Variants in CCDC171 observed in about 807,000 individuals in gnomAD.
CCDC171 encodes the protein coiled-coil domain containing 171.
In CCDC171, 177 loss-of-function variants were observed where a neutral mutation model predicts 168.2. That is an observed-to-expected ratio of 1.05 (90% CI 0.93 to 1.19). The LOEUF (loss-of-function observed/expected upper bound fraction) is 1.19. Ranked by LOEUF, CCDC171 falls within the 50% of genes most tolerant of loss-of-function variation. CCDC171 has a pLI of 0.00. For missense variants in CCDC171, 1,991 were observed against 1,539.0 expected (o/e 1.29, Z -4.91); for synonymous variants, 687 against 540.8 (o/e 1.27, Z -3.75).
At chr9:16,027,113 G>C (rs1419994026) in intron 6 of CCDC171, among the ~76,000 whole-genome samples, 4 of 152,178 alleles carry the variant, frequency 2.6e-5, no homozygotes, top group African/African-American at 9.7e-5. Context: ...AGATGTCCCG[G>C]AGTTGATTTT....
At chr9:15,800,515 C>A (rs556125488) in intron 21 of CCDC171, among the ~76,000 whole-genome samples, 1 of 151,896 alleles carries the variant, frequency 6.6e-6, no homozygotes, top group South Asian at 2.1e-4. Flanking sequence ...GTTATTAATC[C>A]CTTGTCAGAT....
Position 15,571,747 on chromosome 9 carries a change from A to G in CCDC171, c.165A>G (p.Lys55=). 1.3e-6 allele frequency: 2 copies of G among 1,583,854 alleles called. No homozygotes were observed. Among genetic ancestry groups the G allele is most frequent in the African/African-American group, 1.4e-5 (1 of 73,000 alleles). ...AKKEKLEITT[K]HNAELASYES... ...AAGAAAAGTTAGAAATAACAACCAAACACAATGCAGAGGTACGATTTATTT... is the reference window on the plus strand; with the variant it reads ...AAGAAAAGTTAGAAATAACAACCAAGCACAATGCAGAGGTACGATTTATTT... Residue 55 remains lysine, a synonymous_variant, in exon 3 of 26, where the codon AAA becomes AAG. Transcript: ENST00000380701.
intron 3 of CCDC171, among the ~76,000 whole-genome samples, chr9:16,001,102 A>G (rs1420246559): frequency 6.6e-6 from 1 of 152,162 alleles, no homozygotes; most frequent in Non-Finnish European, 1.5e-5. Context: ...GACATGCTGA[A>G]CTTTCTAGTG....
intron 2 of CCDC171, among the ~76,000 whole-genome samples, chr9:15,565,867 A>T (rs2039687435): frequency 6.6e-6 from 1 of 152,210 alleles, no homozygotes; most frequent in Non-Finnish European, 1.5e-5. Flanking sequence ...CCTTAGGTAG[A>T]TTCTTAGGAG....
intron 25 of CCDC171, among the ~76,000 whole-genome samples, chr9:15,939,892 C>A (rs990471887): frequency 1.3e-5 from 2 of 151,704 alleles, no homozygotes; most frequent in Non-Finnish European, 2.9e-5. Context: ...ATTACATACT[C>A]AAGGCAAAAA....
At chr9:15,625,744 G>C (rs1251903952) in intron 7 of CCDC171, among the ~76,000 whole-genome samples, 1 of 152,192 alleles carries the variant, frequency 6.6e-6, no homozygotes, top group Non-Finnish European at 1.5e-5. Context: ...TTGAAGTCAG[G>C]TAGCGTGATG....
chr9:15,709,620 G>C (rs1299447408), intron 11 of CCDC171, among the ~76,000 whole-genome samples: 2 of 152,030 alleles, frequency 1.3e-5, no homozygotes, highest in Non-Finnish European at 2.9e-5. Flanking sequence ...CTGCTTTACA[G>C]GGAAAAATAA....
intron 1 of CCDC171, among the ~76,000 whole-genome samples, chr9:16,051,160 A>G (rs1052935473): frequency 1.3e-5 from 2 of 152,166 alleles, no homozygotes; most frequent in African/African-American, 2.4e-5. Flanking sequence ...TTATAAAATT[A>G]TTGTTTTCCA....
chr9:15,670,663 A>G (rs77754133), intron 9 of CCDC171, among the ~76,000 whole-genome samples: 12,574 of 152,072 alleles, frequency 0.083, 722 homozygotes, highest in Non-Finnish European at 0.13. Context: ...CCATAGAGTT[A>G]TATTTTTGGG....
chr9:15,766,344 A>C (rs1032763015), intron 18 of CCDC171, among the ~76,000 whole-genome samples: 2 of 152,112 alleles, frequency 1.3e-5, no homozygotes, highest in African/African-American at 4.8e-5. Context: ...CCTGGGCTCA[A>C]GGGATCCTCC....
At chr9:15,680,876 T>C (rs2049993566) in intron 10 of CCDC171, among the ~76,000 whole-genome samples, 1 of 152,160 alleles carries the variant, frequency 6.6e-6, no homozygotes, top group Admixed American at 6.6e-5. Context: ...AAGCCAGGGT[T>C]ATAACTAAAA....
At chr9:16,041,588 T>C (rs1033154921), upstream of CCDC171, among the ~76,000 whole-genome samples, 1 of 152,202 alleles carries the variant, frequency 6.6e-6, no homozygotes, top group South Asian at 2.1e-4. Context: ...TTCTGAAATG[T>C]TATTATTTTT....
chr9:15,855,887 A>T (rs1289372175), intron 23 of CCDC171, among the ~76,000 whole-genome samples: 1 of 151,976 alleles, frequency 6.6e-6, no homozygotes, highest in East Asian at 1.9e-4. Context: ...GCCCGTCAAC[A>T]TAGTTTATAA....
At chr9:15,969,862 T>C (rs1478674760) in intron 25 of CCDC171, among the ~76,000 whole-genome samples, 2 of 152,172 alleles carry the variant, frequency 1.3e-5, no homozygotes, top group Non-Finnish European at 2.9e-5. Context: ...AAAATGCAGA[T>C]GTGTACACCT....
chr9:15,739,448 A>T (rs2054705511), intron 16 of CCDC171, among the ~76,000 whole-genome samples: 1 of 152,156 alleles, frequency 6.6e-6, no homozygotes. Context: ...CAAAAAAGTT[A>T]GGTGATAGAA....
At chr9:15,571,821 C>T (rs950342716) in intron 3 of CCDC171, 62 bp downstream of exon 3, 4 of 1,440,344 alleles carry the variant, frequency 2.8e-6, no homozygotes, top group Admixed American at 2.4e-5. Context: ...AGATTTATTT[C>T]ATATGAAAAA....
Position 15,744,317 on chromosome 9 carries a change from T to C in CCDC171, c.2094T>C (p.His698=), listed in dbSNP as rs1470282031. 1.2e-6 allele frequency: 2 copies of C among 1,610,588 alleles called. No individual in the cohort carries two copies. Among genetic ancestry groups the C allele is most frequent in the Admixed American group, 1.7e-5 (1 of 59,230 alleles). ...AAAAAAACATGGAAAAATTGAACCA[T>C]ATTGAGAAGTCACATGAACAGTTGG... The part of the protein sequence containing the change: ...IAEKNMEKLN[H]IEKSHEQLVL... Residue 698 remains histidine (H), a synonymous_variant, in exon 17 of 26, where the codon CAT becomes CAC. Coordinates refer to ENST00000380701, the MANE Select transcript of CCDC171 (RefSeq NM_173550.4).
chr9:15,554,781 G>T (rs2038654224), intron 1 of CCDC171, among the ~76,000 whole-genome samples: 1 of 152,112 alleles, frequency 6.6e-6, no homozygotes, highest in Non-Finnish European at 1.5e-5. Flanking sequence ...GCCAGATGTG[G>T]ATTTGAATTC....
At chr9:15,988,662 G>A (rs1212709925) in intron 3 of CCDC171, among the ~76,000 whole-genome samples, 2 of 152,206 alleles carry the variant, frequency 1.3e-5, no homozygotes, top group Admixed American at 6.5e-5. Flanking sequence ...AAGGGCTCAG[G>A]GAATTCCCTT....
Sources: allele counts gnomAD v4.1 joint callset (sites outside exome capture counted in the v4.1 genomes callset), GRCh38; gene constraint gnomAD v4.1.1; transcripts MANE v1.5; gene names NCBI Gene and HGNC (gene_info 2026-07-23, HGNC 2026-07-21).